Variants in FBXL2 observed in about 807,000 individuals in gnomAD.
FBXL2 encodes the protein F-box/LRR-repeat protein 2.
FBXL2 carries 38 observed loss-of-function variants against 69.2 expected under a neutral mutation model. The ratio of observed to expected loss-of-function variants is 0.55; its 90% CI spans 0.42 to 0.72. The LOEUF (loss-of-function observed/expected upper bound fraction) is 0.72. Among genes scored for constraint, FBXL2 ranks in the 30% least tolerant of loss-of-function variants. The probability of loss-of-function intolerance (pLI) is 0.00; values close to 1 mark genes in which losing one functional copy is unlikely to be tolerated. For missense variants in FBXL2, 354 were observed against 520.3 expected (o/e 0.68, Z 3.11); for synonymous variants, 192 against 201.3 (o/e 0.95, Z 0.39).
chr3:33,367,289 C>T (rs2042015512), intron 5 of FBXL2, among the ~76,000 whole-genome samples: 1 of 152,070 alleles, frequency 6.6e-6, no homozygotes, highest in South Asian at 2.1e-4. Context: ...ACCATGTTGG[C>T]CAGGCTAGTC....
chr3:33,334,604 G>T (rs2039427568), intron 2 of FBXL2, among the ~76,000 whole-genome samples: 1 of 152,122 alleles, frequency 6.6e-6, no homozygotes, highest in Non-Finnish European at 1.5e-5. Context: ...AAAGAGAAGA[G>T]AAAGAATAGG....
chr3:33,329,015 A>G (rs976674715), intron 2 of FBXL2, among the ~76,000 whole-genome samples: 6 of 152,128 alleles, frequency 3.9e-5, no homozygotes, highest in Admixed American at 2.0e-4. Context: ...TATATAAGGA[A>G]CTCAAAACAA....
At chr3:33,304,552 C>T (rs2036558493) in intron 2 of FBXL2, among the ~76,000 whole-genome samples, 1 of 151,870 alleles carries the variant, frequency 6.6e-6, no homozygotes, top group East Asian at 1.9e-4. Flanking sequence ...ATTTTTTCCC[C>T]CTTTACTGAG....
chr3:33,284,422 T>C (rs1273956845), intron 1 of FBXL2, among the ~76,000 whole-genome samples: 1 of 152,242 alleles, frequency 6.6e-6, no homozygotes, highest in African/African-American at 2.4e-5. Flanking sequence ...CAGTTTGTTA[T>C]AATTTCTGTT....
At chr3:33,289,707 A>C (rs184244251) in intron 1 of FBXL2, 9 of 983,714 alleles carry the variant, frequency 9.1e-6, no homozygotes, top group Non-Finnish European at 1.1e-5. Flanking sequence ...CTACCTGCCA[A>C]CTTTTCCCAT....
At chr3:33,414,699 G>A in the FBXL2 span, among the ~76,000 whole-genome samples, 1 of 152,172 alleles carries the variant, frequency 6.6e-6, no homozygotes, top group African/African-American at 2.4e-5. Flanking sequence ...GTAGCAGACA[G>A]TAGCTCTTAA....
chr3:33,394,484 T>C (rs1431808811), intron 12 of FBXL2, among the ~76,000 whole-genome samples: 1 of 150,256 alleles, frequency 6.7e-6, no homozygotes, highest in Non-Finnish European at 1.5e-5. Flanking sequence ...AACAATGAAG[T>C]GTGATGCTTC....
intron 2 of FBXL2, among the ~76,000 whole-genome samples, chr3:33,338,287 C>T (rs976543664): frequency 1.3e-5 from 2 of 152,104 alleles, no homozygotes; most frequent in Non-Finnish European, 2.9e-5. Flanking sequence ...TGGCAGGCAC[C>T]TGTAATCTCA....
At position 33,281,655 on chromosome 3, in the gene FBXL2, A is replaced by C. The variant is rs752582455; in HGVS notation, c.3+4140A>C. On this transcript the variant is annotated intron_variant, in intron 1 of 14. Coordinates refer to ENST00000484457, the MANE Select transcript of FBXL2 (RefSeq NM_012157.5). ...ACAATGGTTGAACTAGTTTACAGTC[A>C]CACGAACAGTGTAAAAGTGTTCCTA... Among the ~76,000 whole-genome samples, 170 of 152,226 alleles carry C rather than the reference A, an allele frequency of 1.1e-3. 1 individual carries two copies. Among genetic ancestry groups the C allele is most frequent in the African/African-American group, 3.2e-3 (132 of 41,520 alleles).
chr3:33,390,658 A>C, downstream of FBXL2: 3 of 459,950 alleles, frequency 6.5e-6, no homozygotes, highest in South Asian at 2.6e-5. Context: ...GACACACAAT[A>C]ATAGTGCTGT....
chr3:33,396,994 G>T (rs746998490), intron 12 of FBXL2: 10 of 1,526,946 alleles, frequency 6.5e-6, no homozygotes, highest in Non-Finnish European at 8.1e-6. Context: ...AATTCCCCAC[G>T]CGAAGAAAGG....
At position 33,385,836 on chromosome 3, in the gene FBXL2, G is replaced by T. The variant is rs2043395399; in HGVS notation, c.*228G>T. 1 of 553,164 alleles carries T rather than the reference G, an allele frequency of 1.8e-6. No individual in the cohort carries two copies. Among genetic ancestry groups the T allele is most frequent in the Non-Finnish European group, 3.2e-6 (1 of 308,290 alleles). The allele number at this position is 553,164 out of a possible 1,614,324, so 34.3% of individuals were successfully genotyped here. ...TTGTGTCAGTTAACACATGACAAGT[G>T]GTCTCAATGCAGCTAGGACCATGCC... On this transcript the variant is annotated 3_prime_UTR_variant, in exon 15 of 15. Transcript: ENST00000484457.
intron 2 of FBXL2, among the ~76,000 whole-genome samples, chr3:33,326,499 C>G (rs1489484510): frequency 1.4e-5 from 2 of 147,006 alleles, no homozygotes; most frequent in Non-Finnish European, 3.0e-5. Flanking sequence ...GAGCGAGACT[C>G]CGTCTCAAAA....
chr3:33,368,167 G>A (rs1241505519), intron 5 of FBXL2, among the ~76,000 whole-genome samples: 1 of 152,178 alleles, frequency 6.6e-6, no homozygotes, highest in East Asian at 1.9e-4. Context: ...TGAAGAGAAT[G>A]TATATTCTGC....
chr3:33,416,647 A>T, the FBXL2 span: 1 of 797,926 alleles, frequency 1.3e-6, no homozygotes, highest in Non-Finnish European at 1.9e-6. Flanking sequence ...TAGCTCATAA[A>T]GTTAAAAAGT....
intron 5 of FBXL2, chr3:33,372,517 G>A (rs2042362543): frequency 6.3e-6 from 1 of 158,614 alleles, no homozygotes; most frequent in Non-Finnish European, 1.4e-5. Flanking sequence ...GCGTTTTAAT[G>A]TGCTGCTTCT....
chr3:33,314,179 A>G (rs1187768895), intron 2 of FBXL2, among the ~76,000 whole-genome samples: 1 of 152,184 alleles, frequency 6.6e-6, no homozygotes, highest in African/African-American at 2.4e-5. Flanking sequence ...ATACATGACA[A>G]CATGATGATT....
At chr3:33,403,584 G>GTCTATCTATCATCTA (rs2044325452) in exon 13 of FBXL2, 3 of 148,878 alleles carry the variant, frequency 2.0e-5, no homozygotes, top group African/African-American at 7.5e-5. Flanking sequence ...CTGTCTGTCT[G>GTCTATCTATCATCTA]TCTATCTATC....
At chr3:33,402,131 G>A (rs781570510) in intron 12 of FBXL2, among the ~76,000 whole-genome samples, 1 of 152,086 alleles carries the variant, frequency 6.6e-6, no homozygotes, top group Non-Finnish European at 1.5e-5. Context: ...TAAAAATAGG[G>A]AACTTCTGAT....
Sources: allele counts gnomAD v4.1 joint callset (sites outside exome capture counted in the v4.1 genomes callset), GRCh38; gene constraint gnomAD v4.1.1; transcripts MANE v1.5; gene names NCBI Gene and HGNC (gene_info 2026-07-23, HGNC 2026-07-21).